The following BRF1 variants were observed in gnomAD, a reference collection of about 807,000 sequenced individuals.
The protein encoded by BRF1 is transcription factor IIIB 90 kDa subunit.
A neutral mutation model predicts 81.7 loss-of-function variants in BRF1; 59 were observed. The observed-to-expected ratio is 0.72, with a 90% confidence interval of 0.59 to 0.90. The LOEUF is 0.90. Ranked by LOEUF, BRF1 falls within the 40% of genes least tolerant of loss-of-function variation. The probability of loss-of-function intolerance (pLI) is 0.00; values close to 1 mark genes in which losing one functional copy is unlikely to be tolerated. For synonymous variants in BRF1, 491 were observed against 395.6 expected, an observed-to-expected ratio of 1.24 and a Z score of -2.86; for missense variants, 1,050 against 936.3, an observed-to-expected ratio of 1.12 and a Z score of -1.58.
At chr14:105,299,575 G>A (rs948345700) in intron 1 of BRF1, among the ~76,000 whole-genome samples, 3 of 152,018 alleles carry the variant, frequency 2.0e-5, no homozygotes, top group Non-Finnish European at 4.4e-5. Context: ...ATCCTGTCTC[G>A]AGATAAATAA....
In BRF1 at chr14:105,298,896, C is replaced by T. The variant is rs149983399; in HGVS notation, c.184+1550G>A. ...TTAAAACTTCTGCTTTGAGGCCGTG[C>T]GCAGTGGCTCACGCCTGTAATCCCA... is the stretch of plus-strand genomic sequence containing the variant. On this transcript the variant is annotated intron_variant, in intron 1 of 17. Coordinates refer to ENST00000547530, the MANE Select transcript of BRF1 (RefSeq NM_001519.4). Among the ~76,000 whole-genome samples, 7 of 139,264 alleles carry T rather than the reference C, an allele frequency of 5.0e-5. No homozygotes were observed. In the East Asian group the frequency reaches 8.7e-4, roughly 17 times the overall value. The allele number at this position is 139,264 out of a possible 152,430, so 91.4% of individuals were successfully genotyped here.
At chr14:105,242,765 G>GATACGCTT (rs1355533361) in intron 5 of BRF1, among the ~76,000 whole-genome samples, 2 of 100,922 alleles carry the variant, frequency 2.0e-5, no homozygotes, top group Non-Finnish European at 4.1e-5. Context: ...AAAAAAAAAA[G>GATACGCTT]ATACGCTTAT....
intron 3 of BRF1, among the ~76,000 whole-genome samples, chr14:105,260,847 T>C (rs1487254080): frequency 6.6e-6 from 1 of 152,250 alleles, no homozygotes; most frequent in Admixed American, 6.5e-5. Flanking sequence ...TTCCAGACGA[T>C]GGAAGCTCAA....
chr14:105,241,218 GC>G (rs1241271325), intron 6 of BRF1, 46 bp downstream of exon 6: 30 of 1,599,384 alleles, frequency 1.9e-5, no homozygotes, highest in Non-Finnish European at 2.5e-5. Flanking sequence ...AAAGTGTGAG[GC>G]CAGGACCCAG....
At chr14:105,308,808 A>AT (rs1246346333) in intron 1 of BRF1, among the ~76,000 whole-genome samples, 1 of 151,702 alleles carries the variant, frequency 6.6e-6, no homozygotes, top group Non-Finnish European at 1.5e-5. Context: ...TAAATAAATA[A>AT]TTTTTTAAAA....
intron 3 of BRF1, among the ~76,000 whole-genome samples, chr14:105,265,398 A>G (rs1316101299): frequency 6.6e-6 from 1 of 152,196 alleles, no homozygotes; most frequent in African/African-American, 2.4e-5. Context: ...ACACAAAGAA[A>G]ACCACATCTA....
chr14:105,281,074 A>G (rs1362471454), intron 2 of BRF1, among the ~76,000 whole-genome samples: 2 of 130,602 alleles, frequency 1.5e-5, no homozygotes, highest in Admixed American at 7.8e-5. Flanking sequence ...AGGTGTGCGG[A>G]TACAGCCTGC....
chr14:105,297,478 C>T (rs2057793658), intron 1 of BRF1, among the ~76,000 whole-genome samples: 1 of 151,512 alleles, frequency 6.6e-6, no homozygotes, highest in African/African-American at 2.4e-5. Context: ...GCTGAGGCAG[C>T]AGAATCACTT....
intron 5 of BRF1, among the ~76,000 whole-genome samples, chr14:105,243,030 C>T (rs1303944302): frequency 2.0e-5 from 3 of 151,802 alleles, no homozygotes; most frequent in East Asian, 1.9e-4. Context: ...GCAGGAGAAT[C>T]GCTTGAACCT....
chr14:105,250,645 G>A (rs200881396), intron 5 of BRF1: 115 of 1,612,130 alleles, frequency 7.1e-5, no homozygotes, highest in Admixed American at 1.2e-4. Flanking sequence ...AGGGTGGGCA[G>A]ATCCCTGAGC....
intron 2 of BRF1, among the ~76,000 whole-genome samples, chr14:105,275,703 C>G (rs1490661518): frequency 6.6e-6 from 1 of 152,250 alleles, no homozygotes; most frequent in Non-Finnish European, 1.5e-5. Context: ...AGCTCGTGTT[C>G]CCAGCATGCA....
chr14:105,226,339 C>T (rs1893084157), intron 8 of BRF1, 49 bp from the exon 9 acceptor site: 9 of 1,612,582 alleles, frequency 5.6e-6, no homozygotes, highest in Non-Finnish European at 6.8e-6. Context: ...CCCTGGTGCA[C>T]AGCGCAGCCT....
intron 5 of BRF1, chr14:105,246,959 T>C (rs1266019495): frequency 2.2e-5 from 22 of 985,424 alleles, no homozygotes; most frequent in Non-Finnish European, 4.8e-6. Flanking sequence ...CTCACTGCAT[T>C]CCCCAAATGG....
Position 105,221,914 on chromosome 14 carries a change from C to G in BRF1, c.1049G>C (p.Gly350Ala), listed in dbSNP as rs1426380353. 1 of 1,582,644 alleles carries G rather than the reference C, an allele frequency of 6.3e-7. No homozygotes were observed. The highest frequency in any genetic ancestry group is 1.4e-5 in the African/African-American group (1 of 74,012). ...GCTGGACGCGGTGTCCTCGGTGGAG[C>G]CTAGGTGTACACAATCCACCTGTTA... The part of the protein sequence containing the change: ...KGGLASLAKD[G>A]STEDTASSLC... The change falls in exon 11 of 18, where the codon GGC becomes GCC. Residue 350 changes from glycine to alanine, a missense_variant and splice_region_variant. Physicochemically the swap from Gly to Ala is moderately conservative, Grantham distance 60. Transcript: ENST00000547530.
intron 5 of BRF1, among the ~76,000 whole-genome samples, chr14:105,246,191 G>C (rs1339452770): frequency 6.6e-6 from 1 of 151,718 alleles, no homozygotes; most frequent in Non-Finnish European, 1.5e-5. Context: ...CCGCACTCCA[G>C]CCTGGGCAAC....
intron 5 of BRF1, among the ~76,000 whole-genome samples, chr14:105,245,753 A>G (rs587753816): frequency 6.6e-6 from 1 of 152,268 alleles, no homozygotes; most frequent in Admixed American, 6.5e-5. Context: ...CTTACCTTAC[A>G]TCATACACAA....
At chr14:105,272,937 A>G (rs762733899) in intron 2 of BRF1, 43 bp from the exon 3 acceptor site, 2 of 1,527,788 alleles carry the variant, frequency 1.3e-6, no homozygotes, top group African/African-American at 2.7e-5. Context: ...ATGTTCCCAC[A>G]GAACATGAAA....
intron 2 of BRF1, among the ~76,000 whole-genome samples, chr14:105,275,286 T>C (rs2056835458): frequency 6.6e-6 from 1 of 152,166 alleles, no homozygotes; most frequent in African/African-American, 2.4e-5. Context: ...AGCCCGGCTG[T>C]GGCCCTGCCA....
chr14:105,266,304 TC>T (rs1337711764), intron 3 of BRF1, among the ~76,000 whole-genome samples: 1 of 152,108 alleles, frequency 6.6e-6, no homozygotes, highest in Non-Finnish European at 1.5e-5. Flanking sequence ...TCCCGGCTAC[TC>T]GGGATGCTGA....
Sources: allele counts gnomAD v4.1 joint callset (sites outside exome capture counted in the v4.1 genomes callset), GRCh38; gene constraint gnomAD v4.1.1; transcripts MANE v1.5; gene names NCBI Gene and HGNC (gene_info 2026-07-23, HGNC 2026-07-21).